Variants in AGBL1 observed in about 807,000 individuals in gnomAD.
The protein encoded by AGBL1 is cytosolic carboxypeptidase 4.
A neutral mutation model predicts 118.9 loss-of-function variants in AGBL1; 130 were observed. That is an observed-to-expected ratio of 1.09 (90% CI 0.95 to 1.26). AGBL1 has a LOEUF of 1.26. Ranked by LOEUF, AGBL1 falls within the 50% of genes most tolerant of loss-of-function variation. The pLI is 0.00. For synonymous variants in AGBL1, 555 were observed against 478.9 expected (o/e 1.16, Z -2.08); for missense variants, 1,584 against 1,298.1 (o/e 1.22, Z -3.38).
At chr15:86,824,147 T>A (rs1456988992) in intron 22 of AGBL1, among the ~76,000 whole-genome samples, 1 of 151,992 alleles carries the variant, frequency 6.6e-6, no homozygotes, top group East Asian at 1.9e-4. Context: ...TCCTCCCTAT[T>A]TGCACATAAG....
At chr15:86,327,452 T>G (rs754421564) in intron 17 of AGBL1, among the ~76,000 whole-genome samples, 1 of 152,226 alleles carries the variant, frequency 6.6e-6, no homozygotes, top group Non-Finnish European at 1.5e-5. Context: ...TAAAATGTAT[T>G]CTTTGGATGT....
chr15:86,619,048 G>A (rs2084768603), intron 21 of AGBL1, among the ~76,000 whole-genome samples: 1 of 151,880 alleles, frequency 6.6e-6, no homozygotes, highest in Non-Finnish European at 1.5e-5. Context: ...CTTCTGTAAT[G>A]AGGACCCTCA....
intron 22 of AGBL1, among the ~76,000 whole-genome samples, chr15:86,867,920 T>TCCC (rs2079656072): frequency 1.3e-5 from 2 of 152,170 alleles, no homozygotes; most frequent in African/African-American, 2.4e-5. Flanking sequence ...GATTATTTTA[T>TCCC]AATAGGGAAT....
chr15:86,293,292 T>C (rs1324533110), intron 16 of AGBL1, among the ~76,000 whole-genome samples: 1 of 152,198 alleles, frequency 6.6e-6, no homozygotes, highest in Admixed American at 6.5e-5. Context: ...AAGTTTGACA[T>C]GAATCTCACT....
At chr15:86,948,552 T>C (rs1251811955) in intron 23 of AGBL1, among the ~76,000 whole-genome samples, 1 of 152,254 alleles carries the variant, frequency 6.6e-6, no homozygotes, top group Non-Finnish European at 1.5e-5. Flanking sequence ...AAGATTACCC[T>C]TCCTGGTCAC....
intron 24 of AGBL1, among the ~76,000 whole-genome samples, chr15:87,001,559 A>T (rs1268984837): frequency 6.6e-6 from 1 of 152,008 alleles, no homozygotes; most frequent in Admixed American, 6.6e-5. Flanking sequence ...CGCCACACTG[A>T]CTTCCACAAT....
At chr15:86,972,778 G>A (rs982497858) in intron 23 of AGBL1, among the ~76,000 whole-genome samples, 1 of 151,940 alleles carries the variant, frequency 6.6e-6, no homozygotes, top group Non-Finnish European at 1.5e-5. Flanking sequence ...CTCTTTCATT[G>A]TATGCTAATC....
chr15:86,921,946 C>T (rs1347941210), intron 23 of AGBL1, among the ~76,000 whole-genome samples: 1 of 152,150 alleles, frequency 6.6e-6, no homozygotes, highest in Admixed American at 6.5e-5. Context: ...ATCCCACCTC[C>T]ATGTCCCTGG....
Position 86,976,002 on chromosome 15 carries a change from A to G in AGBL1, c.3222-11985A>G, listed in dbSNP as rs1596696699. Among the ~76,000 whole-genome samples, 3 of 152,276 alleles carry G rather than the reference A, an allele frequency of 2.0e-5. No homozygotes were observed. The South Asian group carries it at 6.2e-4, about 32-fold the overall frequency. ...TAATGATAGCTGAGTATGTGAATGA[A>G]TAACTGAGTAAATAAGCAAAAAAAT... On this transcript the variant is annotated intron_variant, in intron 23 of 24. Coordinates refer to the AGBL1 transcript ENST00000441037.
intron 22 of AGBL1, among the ~76,000 whole-genome samples, chr15:86,803,908 C>T (rs13380199): frequency 0.13 from 19,439 of 151,956 alleles, 1,389 homozygotes; most frequent in East Asian, 0.25. Flanking sequence ...GTCAGCCCCT[C>T]GCAATAAAGA....
At chr15:86,903,245 C>A (rs1051154396) in intron 22 of AGBL1, among the ~76,000 whole-genome samples, 6 of 151,852 alleles carry the variant, frequency 4.0e-5, no homozygotes, top group Admixed American at 1.3e-4. Flanking sequence ...CTAAAATTTT[C>A]ATTTCATTTT....
At chr15:86,427,301 G>C (rs1310828272) in intron 18 of AGBL1, among the ~76,000 whole-genome samples, 1 of 152,116 alleles carries the variant, frequency 6.6e-6, no homozygotes, top group African/African-American at 2.4e-5. Context: ...AATGTTCACA[G>C]CCGAAAAACA....
intron 17 of AGBL1, among the ~76,000 whole-genome samples, chr15:86,318,941 TG>T (rs1235613347): frequency 2.6e-5 from 4 of 152,122 alleles, no homozygotes; most frequent in East Asian, 1.9e-4. Context: ...TTATATATGT[TG>T]ATTAAATGAT....
rs2083070709 is a variant in AGBL1 at position 86,512,904 on chromosome 15, T to C, written c.2556-9906T>C. Among the ~76,000 whole-genome samples the C allele has an allele frequency of 2.0e-5, 3 of 151,858 alleles. No individual in the cohort carries two copies. In the South Asian group the frequency reaches 6.2e-4, roughly 31 times the overall value. On this transcript the variant is annotated intron_variant, in intron 18 of 22. Transcript: ENST00000614907. ...CCTAATTTTTGAGTTTTTCCAGTTA[T>C]TATTTTTTTTAAATTATAGATTTTT...
downstream of AGBL1, among the ~76,000 whole-genome samples, chr15:86,917,561 C>A (rs1445057884): frequency 6.6e-6 from 1 of 152,192 alleles, no homozygotes; most frequent in Non-Finnish European, 1.5e-5. This position sits in a 1 kb window ranked among gnomAD's most constrained non-coding sequence, Gnocchi z 4.8. Flanking sequence ...AGCCACAGGG[C>A]AAGTAAACAT....
intron 22 of AGBL1, among the ~76,000 whole-genome samples, chr15:86,864,201 G>A (rs945169156): frequency 1.3e-5 from 2 of 152,118 alleles, no homozygotes; most frequent in Non-Finnish European, 2.9e-5. Flanking sequence ...TGACCTGCTT[G>A]AAAACATAAT....
At chr15:86,425,694 G>C (rs528669223) in intron 18 of AGBL1, among the ~76,000 whole-genome samples, 1 of 152,274 alleles carries the variant, frequency 6.6e-6, no homozygotes, top group Non-Finnish European at 1.5e-5. Flanking sequence ...TCCAAATGTA[G>C]TTGATCATCA....
chr15:86,746,434 G>A lies in AGBL1; in HGVS notation c.3158+71998G>A, dbSNP rs186248829. On this transcript the variant is annotated intron_variant, in intron 22 of 22. Transcript: ENST00000614907. ...GTATAAACATCACTTCACTCAGTAA[G>A]TTTACCCTTGATTTTTTTATTTTGG... Among the ~76,000 whole-genome samples, 12 of 152,108 alleles carry A rather than the reference G, an allele frequency of 7.9e-5. No individual in the cohort carries two copies. The East Asian group carries it at 1.6e-3, about 20-fold the overall frequency.
intron 24 of AGBL1, among the ~76,000 whole-genome samples, chr15:87,020,531 G>A (rs1171705008): frequency 1.3e-5 from 2 of 151,928 alleles, no homozygotes; most frequent in Non-Finnish European, 2.9e-5. Flanking sequence ...GAAATAAAGG[G>A]TATTTAAATA....
Sources: gnomAD v4.1 joint callset for allele counts (sites outside exome capture counted in the v4.1 genomes callset) on GRCh38, gnomAD v4.1.1 for gene constraint, Gnocchi (gnomAD v3.1) non-coding constraint, MANE v1.5 for transcripts, NCBI Gene and HGNC (gene_info 2026-07-23, HGNC 2026-07-21) for gene names.